The following SLC24A2 variants were observed in gnomAD, a reference collection of about 807,000 sequenced individuals.
SLC24A2 encodes sodium/potassium/calcium exchanger 2.
A neutral mutation model predicts 62.0 loss-of-function variants in SLC24A2; 36 were observed. The observed-to-expected ratio is 0.58, with a 90% CI of 0.44 to 0.77. The LOEUF is 0.77. Among genes scored for constraint, SLC24A2 ranks in the 30% least tolerant of loss-of-function variants. The pLI, the probability that SLC24A2 is intolerant of heterozygous loss-of-function variation, is 0.00. For synonymous variants in SLC24A2, 358 were observed against 294.0 expected, an observed-to-expected ratio of 1.22 and a Z score of -2.23; for missense variants, 846 against 817.9, an observed-to-expected ratio of 1.03 and a Z score of -0.42.
chr9:19,907,952 A>G, the SLC24A2 span, among the ~76,000 whole-genome samples: 1 of 152,188 alleles, frequency 6.6e-6, no homozygotes, highest in East Asian at 1.9e-4. Context: ...TCAAGCTACC[A>G]ATGACTTTCT....
At chr9:19,535,154 G>A (rs186275701) in intron 8 of SLC24A2, among the ~76,000 whole-genome samples, 4 of 151,928 alleles carry the variant, frequency 2.6e-5, no homozygotes, top group East Asian at 1.9e-4. Flanking sequence ...CATAAATGTC[G>A]TCTTTTGAGA....
chr9:19,872,445 G>A, the SLC24A2 span, among the ~76,000 whole-genome samples: 1 of 152,198 alleles, frequency 6.6e-6, no homozygotes, highest in Non-Finnish European at 1.5e-5. Context: ...TGTTGTACCA[G>A]TGTATGCATG....
At chr9:19,994,268 A>G in the SLC24A2 span, among the ~76,000 whole-genome samples, 4 of 152,194 alleles carry the variant, frequency 2.6e-5, no homozygotes, top group Admixed American at 2.0e-4. Flanking sequence ...AGGCAATAAC[A>G]AACTGTGACC....
intron 2 of SLC24A2, among the ~76,000 whole-genome samples, chr9:19,704,391 AAGAG>A (rs761294032): frequency 7.4e-6 from 1 of 135,006 alleles, no homozygotes; most frequent in Non-Finnish European, 1.6e-5. Flanking sequence ...GAAATAGGGA[AAGAG>A]AGAGAGAGAG....
chr9:19,549,575 G>A (rs575783393), intron 8 of SLC24A2, among the ~76,000 whole-genome samples: 1 of 152,260 alleles, frequency 6.6e-6, no homozygotes, highest in East Asian at 1.9e-4. Flanking sequence ...ATGCTGTGAG[G>A]AAGCCCAAGT....
the SLC24A2 span, among the ~76,000 whole-genome samples, chr9:20,290,501 G>A: frequency 1.3e-5 from 2 of 152,328 alleles, no homozygotes; most frequent in South Asian, 2.1e-4. Flanking sequence ...CTTTGGCCGC[G>A]GGTCTGTAGA....
In SLC24A2 at chr9:19,511,262, G is replaced by A. The variant is rs999317438; in HGVS notation, c.*4891C>T. On this transcript the variant is annotated 3_prime_UTR_variant, in exon 11 of 11. Transcript: ENST00000341998. ...TTGCTATATATTTAAAAAATATGAAGCTCTGAGATTAAAAATGAAACGCAA... is the reference window on the plus strand; with the variant it reads ...TTGCTATATATTTAAAAAATATGAAACTCTGAGATTAAAAATGAAACGCAA... 3 of 152,066 alleles carry A rather than the reference G, an allele frequency of 2.0e-5. No homozygotes were observed. The highest frequency in any genetic ancestry group is 2.9e-5 in the Non-Finnish European group (2 of 68,032). 9.4% of individuals were successfully genotyped at this position (152,066 alleles called of 1,614,324 possible). A position where few individuals can be genotyped will look rare whatever the true frequency, so the allele number is the denominator to read the frequency against.
chr9:19,932,413 A>AT, the SLC24A2 span, among the ~76,000 whole-genome samples: 1 of 152,218 alleles, frequency 6.6e-6, no homozygotes, highest in African/African-American at 2.4e-5. Flanking sequence ...TGGTAGCAAT[A>AT]TTATGAGCCT....
At position 19,557,928 on chromosome 9, in the gene SLC24A2, TCC is replaced by T. The variant is rs1835179539; in HGVS notation, c.1348-7662_1348-7661del. Among the ~76,000 whole-genome samples the T allele has an allele frequency of 3.3e-5, 5 of 151,764 alleles. No homozygotes were observed. In the South Asian group the frequency reaches 1.0e-3, roughly 32 times the overall value. ...CCATCTCCCTGGGCTCAAGCAATCCTCCCACTTTAGCCTCCCAAGTAGCTGAG... is the reference window on the plus strand; with the variant it reads ...CCATCTCCCTGGGCTCAAGCAATCCTCACTTTAGCCTCCCAAGTAGCTGAG... On this transcript the variant is annotated intron_variant, in intron 7 of 10. Coordinates refer to ENST00000341998, the MANE Select transcript of SLC24A2 (RefSeq NM_020344.4).
the SLC24A2 span, among the ~76,000 whole-genome samples, chr9:20,130,437 A>ATCT: frequency 6.6e-6 from 1 of 152,060 alleles, no homozygotes; most frequent in Non-Finnish European, 1.5e-5. Context: ...GTGAGCTGAA[A>ATCT]TCTTGCATTC....
chr9:20,053,104 A>G, the SLC24A2 span, among the ~76,000 whole-genome samples: 1 of 152,200 alleles, frequency 6.6e-6, no homozygotes, highest in African/African-American at 2.4e-5. Flanking sequence ...TTTGACAGCC[A>G]TCTTGTCTCT....
chr9:19,552,156 C>G (rs142972747), intron 7 of SLC24A2, among the ~76,000 whole-genome samples: 3 of 152,170 alleles, frequency 2.0e-5, no homozygotes, highest in African/African-American at 7.2e-5. Flanking sequence ...TGCTTTCTTT[C>G]TTCCATCCTG....
the SLC24A2 span, among the ~76,000 whole-genome samples, chr9:19,848,479 T>C: frequency 6.6e-6 from 1 of 152,192 alleles, no homozygotes; most frequent in Non-Finnish European, 1.5e-5. Flanking sequence ...CATATAGCAG[T>C]GTACGTAACA....
At chr9:20,164,491 C>T in the SLC24A2 span, among the ~76,000 whole-genome samples, 1 of 151,530 alleles carries the variant, frequency 6.6e-6, no homozygotes, top group Non-Finnish European at 1.5e-5. Context: ...ACAACAGGTG[C>T]TGGAGAGGAT....
chr9:20,008,140 CCCA>C, the SLC24A2 span, among the ~76,000 whole-genome samples: 1 of 151,922 alleles, frequency 6.6e-6, no homozygotes, highest in Non-Finnish European at 1.5e-5. Context: ...AAGTGATCCA[CCCA>C]CCTCAGCCTC....
At chr9:19,851,867 A>G in the SLC24A2 span, among the ~76,000 whole-genome samples, 1 of 152,146 alleles carries the variant, frequency 6.6e-6, no homozygotes, top group Non-Finnish European at 1.5e-5. Context: ...TGCTGGGTCA[A>G]ATGATATTTC....
At chr9:20,150,697 T>C in the SLC24A2 span, among the ~76,000 whole-genome samples, 1 of 149,786 alleles carries the variant, frequency 6.7e-6, no homozygotes, top group African/African-American at 2.5e-5. Context: ...GAAATAATTG[T>C]ATTCAGCTTT....
the SLC24A2 span, among the ~76,000 whole-genome samples, chr9:20,275,947 A>G: frequency 6.6e-6 from 1 of 152,090 alleles, no homozygotes; most frequent in Non-Finnish European, 1.5e-5. Context: ...AACCACCCCC[A>G]TGATACAATT....
chr9:20,214,837 A>G, the SLC24A2 span, among the ~76,000 whole-genome samples: 1 of 152,308 alleles, frequency 6.6e-6, no homozygotes, highest in African/African-American at 2.4e-5. Flanking sequence ...ATGTAACTCA[A>G]TAAACAACTG....
Sources: allele counts gnomAD v4.1 joint callset (sites outside exome capture counted in the v4.1 genomes callset), GRCh38; gene constraint gnomAD v4.1.1; transcripts MANE v1.5; gene names NCBI Gene and HGNC (gene_info 2026-07-23, HGNC 2026-07-21).